Variants in KCNB2 observed in about 807,000 individuals in gnomAD.
KCNB2 encodes potassium voltage-gated channel subfamily B member 2.
Under a neutral mutation model 61.5 loss-of-function variants are expected in KCNB2, and 15 were observed. The observed-to-expected ratio is 0.24, with a 90% confidence interval of 0.16 to 0.38. KCNB2 has a LOEUF of 0.38. Among genes scored for constraint, KCNB2 ranks in the 10% least tolerant of loss-of-function variants. The pLI is 1.00. For synonymous variants in KCNB2, 457 were observed against 446.0 expected, an observed-to-expected ratio of 1.02 and a Z score of -0.31; for missense variants, 828 against 1,125.2, an observed-to-expected ratio of 0.74 and a Z score of 3.78.
At chr8:72,875,149 G>A (rs1443482305) in intron 2 of KCNB2, 4 of 152,248 alleles carry the variant, frequency 2.6e-5, no homozygotes, top group African/African-American at 9.7e-5. Context: ...CTGGGCCTTT[G>A]CTGGTAGCGG....
chr8:72,678,344 G>A (rs1433000058), intron 2 of KCNB2, among the ~76,000 whole-genome samples: 1 of 152,128 alleles, frequency 6.6e-6, no homozygotes, highest in Non-Finnish European at 1.5e-5. Context: ...TGGCTTCCAT[G>A]TTACTTCCAT....
chr8:72,771,008 T>A (rs1808548525), intron 2 of KCNB2, among the ~76,000 whole-genome samples: 1 of 152,238 alleles, frequency 6.6e-6, no homozygotes, highest in Non-Finnish European at 1.5e-5. Context: ...CATTTGTGTA[T>A]GATTATTTAT....
chr8:72,543,106 T>C (rs2128976531), intron 1 of KCNB2, among the ~76,000 whole-genome samples: 1 of 152,312 alleles, frequency 6.6e-6, no homozygotes, highest in African/African-American at 2.4e-5. Context: ...CAATACCCCC[T>C]TTTTATAAGC....
chr8:72,636,917 G>C (rs1805974581), intron 2 of KCNB2, among the ~76,000 whole-genome samples: 1 of 152,116 alleles, frequency 6.6e-6, no homozygotes, highest in Admixed American at 6.6e-5. Context: ...TTGTTTTCCA[G>C]TCTTGAAATA....
intron 2 of KCNB2, among the ~76,000 whole-genome samples, chr8:72,929,410 T>C (rs1232563247): frequency 6.6e-6 from 1 of 152,146 alleles, no homozygotes; most frequent in Admixed American, 6.5e-5. Context: ...AGTGAAGAAA[T>C]AACGTAATCA....
intron 2 of KCNB2, among the ~76,000 whole-genome samples, chr8:72,743,449 T>C (rs1258793977): frequency 6.6e-6 from 1 of 152,206 alleles, no homozygotes; most frequent in Non-Finnish European, 1.5e-5. Flanking sequence ...AGAGAATAAA[T>C]ATTCAGGTGG....
intron 2 of KCNB2, among the ~76,000 whole-genome samples, chr8:72,743,980 C>CT (rs1221423498): frequency 6.6e-6 from 1 of 152,090 alleles, no homozygotes; most frequent in East Asian, 1.9e-4. Context: ...TCACCAATTT[C>CT]TTTATCAGAT....
At chr8:72,582,879 C>A (rs1201708914) in intron 2 of KCNB2, among the ~76,000 whole-genome samples, 1 of 152,052 alleles carries the variant, frequency 6.6e-6, no homozygotes, top group East Asian at 1.9e-4. Context: ...GTAGGCTTCC[C>A]AAAATGCTGG....
chr8:72,709,177 C>T (rs2128991674), intron 2 of KCNB2, among the ~76,000 whole-genome samples: 1 of 152,066 alleles, frequency 6.6e-6, no homozygotes, highest in African/African-American at 2.4e-5. Flanking sequence ...TCTAGAAGAA[C>T]AGAAATAAGA....
chr8:72,651,676 T>C (rs370136220), intron 2 of KCNB2, among the ~76,000 whole-genome samples: 1 of 151,866 alleles, frequency 6.6e-6, no homozygotes, highest in African/African-American at 2.4e-5. Flanking sequence ...TGAAAAATGC[T>C]CCTATTTTTT....
At chr8:72,903,936 A>G (rs1238374429) in intron 2 of KCNB2, among the ~76,000 whole-genome samples, 2 of 152,174 alleles carry the variant, frequency 1.3e-5, no homozygotes, top group African/African-American at 2.4e-5. Flanking sequence ...TAAAGGGGAG[A>G]TAAAACCGTG....
At chr8:72,539,371 C>A (rs1445420194) in intron 1 of KCNB2, among the ~76,000 whole-genome samples, 1 of 152,204 alleles carries the variant, frequency 6.6e-6, no homozygotes, top group Non-Finnish European at 1.5e-5. Flanking sequence ...GTATCCTTAT[C>A]ACCTAGAAGA....
intron 2 of KCNB2, among the ~76,000 whole-genome samples, chr8:72,704,960 A>G (rs200508032): frequency 6.6e-6 from 1 of 151,622 alleles, no homozygotes. Flanking sequence ...TTAATTTTTT[A>G]TTGTATTGTT....
intron 2 of KCNB2, among the ~76,000 whole-genome samples, chr8:72,850,042 G>C (rs1458821226): frequency 3.3e-5 from 5 of 151,946 alleles, no homozygotes; most frequent in Non-Finnish European, 5.9e-5. Context: ...ATCTAGTAGT[G>C]GACACCCAAC....
intron 2 of KCNB2, among the ~76,000 whole-genome samples, chr8:72,579,555 A>G (rs1331352648): frequency 1.3e-5 from 2 of 152,136 alleles, no homozygotes; most frequent in African/African-American, 4.8e-5. Context: ...CTGATTCTTC[A>G]CCCACCCTCT....
chr8:72,675,713 TCGG>T (rs1160376768), intron 2 of KCNB2, among the ~76,000 whole-genome samples: 1 of 151,908 alleles, frequency 6.6e-6, no homozygotes, highest in Non-Finnish European at 1.5e-5. Context: ...ACCTCCACAC[TCGG>T]CTGATTTTTG....
intron 2 of KCNB2, among the ~76,000 whole-genome samples, chr8:72,850,790 T>C (rs1393183131): frequency 6.6e-6 from 1 of 152,208 alleles, no homozygotes. Context: ...ATAGGCTAAT[T>C]ATTCTAACCT....
chr8:72,809,716 T>C (rs1809276900), intron 2 of KCNB2, among the ~76,000 whole-genome samples: 2 of 152,182 alleles, frequency 1.3e-5, no homozygotes, highest in Admixed American at 1.3e-4. Flanking sequence ...ATGCTCTCAG[T>C]TCTCCAGTAG....
chr8:72,688,891 T>A (rs942753561), intron 2 of KCNB2, among the ~76,000 whole-genome samples: 2 of 152,136 alleles, frequency 1.3e-5, no homozygotes, highest in Non-Finnish European at 2.9e-5. Context: ...CACAGCTGGC[T>A]AATTTTTTAA....
Sources: allele counts gnomAD v4.1 joint callset (sites outside exome capture counted in the v4.1 genomes callset), GRCh38; gene constraint gnomAD v4.1.1; transcripts MANE v1.5; gene names NCBI Gene and HGNC (gene_info 2026-07-23, HGNC 2026-07-21).